ADAP2: variants seen among roughly 807,000 people sequenced by gnomAD.
The protein encoded by ADAP2 is arf-GAP with dual PH domain-containing protein 2.
In ADAP2, 42 loss-of-function variants were observed where a neutral mutation model predicts 54.9. That is an observed-to-expected ratio of 0.77 (90% CI 0.60 to 0.99). The LOEUF is 0.99. Among genes scored for constraint, ADAP2 ranks in the 50% least tolerant of loss-of-function variants. The pLI is 0.00. For missense variants in ADAP2, 429 were observed against 480.4 expected (o/e 0.89, Z 1.00); for synonymous variants, 177 against 180.1 (o/e 0.98, Z 0.14).
Position 30,958,826 on chromosome 17 carries a change from C to T in ADAP2, c.*957C>T, listed in dbSNP as rs1381973779. 4 of 151,862 alleles carry T rather than the reference C, an allele frequency of 2.6e-5. No individual in the cohort carries two copies. The highest frequency in any genetic ancestry group is 1.3e-4 in the Admixed American group (2 of 15,220). 9.4% of individuals were successfully genotyped at this position (151,862 alleles called of 1,614,324 possible). ...ATCACTTGAGCCAGGGAGGTCATGG[C>T]TACAGTGACCCCTCATTGCACCACT... On this transcript the variant is annotated 3_prime_UTR_variant, in exon 11 of 11. Coordinates refer to ENST00000330889, the MANE Select transcript of ADAP2 (RefSeq NM_018404.3).
chr17:30,957,952 C>G lies in ADAP2; in HGVS notation c.*83C>G. The G allele has an allele frequency of 7.8e-7, 1 of 1,290,284 alleles. No homozygotes were observed. Among genetic ancestry groups the G allele is most frequent in the Non-Finnish European group, 1.1e-6 (1 of 902,966 alleles). The allele number at this position is 1,290,284 out of a possible 1,614,324, so 79.9% of individuals were successfully genotyped here. On this transcript the variant is annotated 3_prime_UTR_variant, in exon 11 of 11. Coordinates refer to ENST00000330889, the MANE Select transcript of ADAP2 (RefSeq NM_018404.3). ...TTTGCACCTCGGCCCTGGCTGCCCA[C>G]CATCAGTGCCCCGCAGTCAGCAGCC... is the stretch of plus-strand genomic sequence containing the variant.
Position 30,957,120 on chromosome 17 carries a change from C to T in ADAP2, c.1111+651C>T, listed in dbSNP as rs774333012. Among the ~76,000 whole-genome samples the T allele has an allele frequency of 2.6e-5, 4 of 152,188 alleles. No homozygotes were observed. In the East Asian group the frequency reaches 5.8e-4, roughly 22 times the overall value. ...AAGTACAGACTGAGCAGGTGACCCC[C>T]GCACAGCCCCTTGGGGGAAACACTT... On this transcript the variant is annotated intron_variant, in intron 10 of 10. Transcript: ENST00000330889.
In ADAP2 at chr17:30,922,008, G is replaced by A. The variant is rs1910641207; in HGVS notation, c.-7G>A. ...GGCTGAGCCCCGCTGAGCCCGCCGGGCCGGCCATGGGCGATCGCGAGCGCA... is the reference window on the plus strand; with the variant it reads ...GGCTGAGCCCCGCTGAGCCCGCCGGACCGGCCATGGGCGATCGCGAGCGCA... On this transcript the variant is annotated 5_prime_UTR_variant, in exon 1 of 11. Transcript: ENST00000330889. 2 of 1,269,408 alleles carry A rather than the reference G, an allele frequency of 1.6e-6. No individual in the cohort carries two copies. Among genetic ancestry groups the A allele is most frequent in the African/African-American group, 1.6e-5 (1 of 64,212 alleles). 78.6% of individuals were successfully genotyped at this position (1,269,408 alleles called of 1,614,324 possible).
chr17:30,934,704 TA>T (rs1911746910), intron 5 of ADAP2, among the ~76,000 whole-genome samples: 1 of 152,094 alleles, frequency 6.6e-6, no homozygotes, highest in Non-Finnish European at 1.5e-5. Flanking sequence ...AACATCAATA[TA>T]TAATATACCA....
At position 30,934,189 on chromosome 17, in the gene ADAP2, C is replaced by G; in HGVS notation, c.402C>G (p.Asn134Lys). The G allele has an allele frequency of 6.2e-7, 1 of 1,613,506 alleles. No homozygotes were observed. The change falls in exon 5 of 11, where the codon AAC becomes AAG. Residue 134 changes from asparagine (N) to lysine (K), a missense_variant. By Grantham distance (94) the Asn-to-Lys change is moderately conservative. Transcript: ENST00000330889. ...ADGETISLPGNREGFLWKRGR... is the reference protein window; with the variant it reads ...ADGETISLPGKREGFLWKRGR... ...TTGTCATCCTTGCTGCTTAAGGTAACCGAGAAGGATTCCTGTGGAAGCGAG... is the reference window on the plus strand; with the variant it reads ...TTGTCATCCTTGCTGCTTAAGGTAAGCGAGAAGGATTCCTGTGGAAGCGAG...
intron 7 of ADAP2, among the ~76,000 whole-genome samples, chr17:30,950,273 T>C (rs1904531406): frequency 6.6e-6 from 1 of 152,166 alleles, no homozygotes; most frequent in Non-Finnish European, 1.5e-5. Flanking sequence ...GAACTTCATT[T>C]TGATTGTCTC....
intron 7 of ADAP2, among the ~76,000 whole-genome samples, chr17:30,949,842 C>G (rs1257008592): frequency 6.6e-6 from 1 of 151,984 alleles, no homozygotes; most frequent in African/African-American, 2.4e-5. Flanking sequence ...CAGAGGGAAG[C>G]CCAAGGCATT....
intron 5 of ADAP2, among the ~76,000 whole-genome samples, chr17:30,942,312 A>C (rs965917843): frequency 1.3e-5 from 2 of 152,162 alleles, no homozygotes; most frequent in Non-Finnish European, 2.9e-5. Flanking sequence ...TATTGGCAAA[A>C]ATTTTGTAAT....
At chr17:30,936,030 AACACCTTATCCCTTAG>A in intron 5 of ADAP2, among the ~76,000 whole-genome samples, 1 of 152,152 alleles carries the variant, frequency 6.6e-6, no homozygotes, top group Non-Finnish European at 1.5e-5. Context: ...AAAAACTTTA[AACACCTTATCCCTTAG>A]CTGTAATCCC....
chr17:30,945,578 C>T (rs1166218015), intron 6 of ADAP2, among the ~76,000 whole-genome samples: 1 of 151,828 alleles, frequency 6.6e-6, no homozygotes, highest in Non-Finnish European at 1.5e-5. Flanking sequence ...TAGTAAGACC[C>T]CCATCTTTAC....
At chr17:30,938,030 T>G (rs1912013541) in intron 5 of ADAP2, among the ~76,000 whole-genome samples, 1 of 152,204 alleles carries the variant, frequency 6.6e-6, no homozygotes, top group Non-Finnish European at 1.5e-5. Context: ...GTAATGGGAC[T>G]GGCTAGGATC....
At position 30,953,277 on chromosome 17, in the gene ADAP2, C is replaced by T. The variant is rs778861207; in HGVS notation, c.742-11C>T. ...GTGAGTTGGGGGTCAGTGTCTGTCT[C>T]TCTTCCCCAGCTCGTGCCATTCCTC... On this transcript the variant is annotated splice_polypyrimidine_tract_variant and intron_variant, in intron 7 of 10. Transcript: ENST00000330889. 38 of 1,614,058 alleles carry T rather than the reference C, an allele frequency of 2.4e-5. No individual in the cohort carries two copies. The highest frequency in any genetic ancestry group is 3.2e-5 in the Non-Finnish European group (38 of 1,180,002).
chr17:30,946,760 T>C (rs532104781), intron 6 of ADAP2, among the ~76,000 whole-genome samples: 9 of 152,292 alleles, frequency 5.9e-5, no homozygotes, highest in Non-Finnish European at 8.8e-5. Context: ...CCCCACATTA[T>C]TGAGTCACGG....
intron 6 of ADAP2, among the ~76,000 whole-genome samples, chr17:30,946,556 T>C (rs1450454603): frequency 6.6e-6 from 1 of 152,050 alleles, no homozygotes; most frequent in Non-Finnish European, 1.5e-5. Flanking sequence ...ATCTGCCCAG[T>C]CAGAGATGAA....
chr17:30,956,721 A>G, intron 10 of ADAP2: 1 of 525,708 alleles, frequency 1.9e-6, no homozygotes, highest in Non-Finnish European at 3.4e-6. Context: ...CCCTGGCAGA[A>G]CCCCTGGGTG....
intron 5 of ADAP2, among the ~76,000 whole-genome samples, chr17:30,935,810 G>A (rs950840120): frequency 7.2e-5 from 11 of 152,162 alleles, no homozygotes; most frequent in African/African-American, 1.9e-4. Flanking sequence ...AGGGCAGAGC[G>A]ACTTGTGCAG....
chr17:30,935,100 C>T (rs1911777368), intron 5 of ADAP2, among the ~76,000 whole-genome samples: 1 of 152,146 alleles, frequency 6.6e-6, no homozygotes, highest in Non-Finnish European at 1.5e-5. Flanking sequence ...GGCATGGTGG[C>T]TCATGCCTGT....
At chr17:30,944,131 G>T (rs1912479644) in intron 5 of ADAP2, among the ~76,000 whole-genome samples, 1 of 152,148 alleles carries the variant, frequency 6.6e-6, no homozygotes, top group Non-Finnish European at 1.5e-5. Context: ...GGCGGAGTTT[G>T]CAGTGAGCCG....
chr17:30,949,680 C>T (rs868856896), intron 7 of ADAP2, among the ~76,000 whole-genome samples: 4 of 142,162 alleles, frequency 2.8e-5, no homozygotes, highest in Middle Eastern at 7.7e-3. Flanking sequence ...ACCCGGGAGG[C>T]GGAGCTTGCA....
Sources: allele counts gnomAD v4.1 joint callset (sites outside exome capture counted in the v4.1 genomes callset), GRCh38; gene constraint gnomAD v4.1.1; transcripts MANE v1.5; gene names NCBI Gene and HGNC (gene_info 2026-07-23, HGNC 2026-07-21).